Variants in NEK7 observed in about 807,000 individuals in gnomAD.
NEK7 encodes the protein serine/threonine-protein kinase Nek7.
Under a neutral mutation model 44.6 loss-of-function variants are expected in NEK7, and 18 were observed. The observed-to-expected ratio is 0.40, with a 90% CI of 0.28 to 0.60. The LOEUF (loss-of-function observed/expected upper bound fraction) is 0.60, where lower values mean the gene tolerates loss of function less well. NEK7 is among the 20% of genes least tolerant of loss of function. NEK7 has a pLI of 0.38. For synonymous variants in NEK7, 130 were observed against 121.1 expected (o/e 1.07, Z -0.48); for missense variants, 256 against 366.5 (o/e 0.70, Z 2.46).
At chr1:198,215,543 ATTC>A (rs142291475) in intron 1 of NEK7, among the ~76,000 whole-genome samples, 30,030 of 151,850 alleles carry the variant, frequency 0.2, 3,520 homozygotes, top group African/African-American at 0.31. Flanking sequence ...GCCCAAGACA[ATTC>A]TTCTTCTTCT....
chr1:198,171,207 A>G (rs542124780), intron 1 of NEK7, among the ~76,000 whole-genome samples: 3 of 152,100 alleles, frequency 2.0e-5, no homozygotes, highest in African/African-American at 7.2e-5. Flanking sequence ...AATAAATAGA[A>G]CCCTCTGTAA....
chr1:198,177,833 T>G (rs912678126), intron 1 of NEK7, among the ~76,000 whole-genome samples: 1 of 152,000 alleles, frequency 6.6e-6, no homozygotes, highest in Non-Finnish European at 1.5e-5. Context: ...TTAAATAACT[T>G]GGAATCACCA....
intron 2 of NEK7, among the ~76,000 whole-genome samples, chr1:198,250,369 T>G (rs1406272431): frequency 6.6e-6 from 1 of 152,136 alleles, no homozygotes; most frequent in Non-Finnish European, 1.5e-5. Flanking sequence ...GCGGGCTCTT[T>G]TTTGGTTCCA....
chr1:198,277,702 T>C, intron 5 of NEK7: 1 of 278,980 alleles, frequency 3.6e-6, no homozygotes, highest in Non-Finnish European at 6.7e-6. Flanking sequence ...TATATAGATG[T>C]TAATTTTTTG....
chr1:198,316,880 T>C (rs1209830015), intron 9 of NEK7, among the ~76,000 whole-genome samples: 1 of 152,216 alleles, frequency 6.6e-6, no homozygotes, highest in African/African-American at 2.4e-5. Flanking sequence ...TCACTTCTCA[T>C]GCTGGACAAC....
intron 1 of NEK7, among the ~76,000 whole-genome samples, chr1:198,226,248 T>C (rs1026324735): frequency 6.6e-6 from 1 of 152,096 alleles, no homozygotes; most frequent in Non-Finnish European, 1.5e-5. Flanking sequence ...ATAATAACAT[T>C]AAGAACCCAC....
At chr1:198,269,354 G>A (rs917559093) in intron 5 of NEK7, among the ~76,000 whole-genome samples, 3 of 152,058 alleles carry the variant, frequency 2.0e-5, no homozygotes, top group Admixed American at 6.6e-5. Flanking sequence ...GATATTCAGT[G>A]TATTTTTTTA....
chr1:198,289,566 A>G lies in NEK7; in HGVS notation c.590-3379A>G, dbSNP rs140572821. ...AAGATGTGAAAGAGATTTATCTTTC[A>G]CTGGTTTTGTGCTGCCTCCCTTGTT... On this transcript the variant is annotated intron_variant, in intron 7 of 9. Transcript: ENST00000367385. Among the ~76,000 whole-genome samples, 444 of 152,302 alleles carry G rather than the reference A, an allele frequency of 2.9e-3. 2 individuals carry two copies. Among genetic ancestry groups the G allele is most frequent in the Admixed American group, 6.8e-3 (104 of 15,294 alleles).
At chr1:198,204,166 G>C (rs1382772375) in intron 1 of NEK7, among the ~76,000 whole-genome samples, 1 of 152,006 alleles carries the variant, frequency 6.6e-6, no homozygotes, top group Non-Finnish European at 1.5e-5. Context: ...AGGCTGGAGC[G>C]GGAGGATCTC....
chr1:198,300,881 C>G (rs755206642), intron 9 of NEK7, among the ~76,000 whole-genome samples: 1 of 152,142 alleles, frequency 6.6e-6, no homozygotes, highest in Non-Finnish European at 1.5e-5. Context: ...TGATAGTTTT[C>G]TTTTATTGAT....
intron 2 of NEK7, among the ~76,000 whole-genome samples, chr1:198,249,111 A>G (rs944735260): frequency 3.6e-5 from 5 of 139,332 alleles, no homozygotes; most frequent in South Asian, 2.3e-4. Context: ...TCATTGTTCA[A>G]TTCCTACCTG....
At chr1:198,315,348 T>G (rs2103044002) in intron 9 of NEK7, among the ~76,000 whole-genome samples, 1 of 152,274 alleles carries the variant, frequency 6.6e-6, no homozygotes, top group Non-Finnish European at 1.5e-5. Flanking sequence ...CACTCCCTAG[T>G]GAGATGAACC....
chr1:198,190,242 A>T (rs903899742), intron 1 of NEK7, among the ~76,000 whole-genome samples: 1 of 152,088 alleles, frequency 6.6e-6, no homozygotes, highest in Admixed American at 6.6e-5. Context: ...TCATCTGGGA[A>T]CATGTTGTCA....
At chr1:198,211,247 AG>A (rs1429066148) in intron 1 of NEK7, among the ~76,000 whole-genome samples, 1 of 152,192 alleles carries the variant, frequency 6.6e-6, no homozygotes, top group African/African-American at 2.4e-5. Context: ...TTCTTTGTTG[AG>A]AATACTTTAA....
At chr1:198,306,354 C>T (rs1016954955) in intron 9 of NEK7, among the ~76,000 whole-genome samples, 4 of 151,986 alleles carry the variant, frequency 2.6e-5, no homozygotes, top group Non-Finnish European at 5.9e-5. Context: ...CTAATAATTC[C>T]GTGGAATATC....
intron 1 of NEK7, among the ~76,000 whole-genome samples, chr1:198,178,109 A>C (rs1387465761): frequency 7.2e-5 from 11 of 152,148 alleles, no homozygotes; most frequent in Admixed American, 7.2e-4. Context: ...AGAAAGGTTA[A>C]AAATAAAAAG....
chr1:198,202,075 T>C (rs1194122254), intron 1 of NEK7, among the ~76,000 whole-genome samples: 1 of 152,172 alleles, frequency 6.6e-6, no homozygotes. Flanking sequence ...CTGACTCTTT[T>C]TGGCTTTACC....
intron 7 of NEK7, among the ~76,000 whole-genome samples, chr1:198,280,748 T>A (rs945062981): frequency 1.3e-5 from 2 of 148,270 alleles, no homozygotes; most frequent in Admixed American, 6.8e-5. Context: ...TTATGTATAT[T>A]TATATAATAT....
At chr1:198,177,515 C>T (rs1664639184) in intron 1 of NEK7, among the ~76,000 whole-genome samples, 1 of 151,888 alleles carries the variant, frequency 6.6e-6, no homozygotes, top group African/African-American at 2.4e-5. Context: ...TGAAAATGTA[C>T]TATTAAGAGT....
Sources: allele counts gnomAD v4.1 joint callset (sites outside exome capture counted in the v4.1 genomes callset), GRCh38; gene constraint gnomAD v4.1.1; transcripts MANE v1.5; gene names NCBI Gene and HGNC (gene_info 2026-07-23, HGNC 2026-07-21).